CADPS2: variants seen among roughly 807,000 people sequenced by gnomAD.
CADPS2 encodes the protein calcium-dependent secretion activator 2.
Under a neutral mutation model 172.5 loss-of-function variants are expected in CADPS2, and 93 were observed. The observed-to-expected ratio is 0.54, with a 90% CI of 0.46 to 0.64. The LOEUF (loss-of-function observed/expected upper bound fraction) is 0.64. Among genes scored for constraint, CADPS2 ranks in the 30% least tolerant of loss-of-function variants. CADPS2 has a pLI of 0.00. For synonymous variants in CADPS2, 546 were observed against 555.2 expected (o/e 0.98, Z 0.23); for missense variants, 1,420 against 1,565.9 (o/e 0.91, Z 1.57).
At chr7:122,813,700 C>T (rs1205646621) in intron 1 of CADPS2, among the ~76,000 whole-genome samples, 1 of 152,022 alleles carries the variant, frequency 6.6e-6, no homozygotes, top group East Asian at 1.9e-4. Context: ...TAAGGAAAAG[C>T]CTTATCCCAA....
At chr7:122,643,754 G>A (rs1421891710) in intron 3 of CADPS2, among the ~76,000 whole-genome samples, 1 of 151,974 alleles carries the variant, frequency 6.6e-6, no homozygotes, top group African/African-American at 2.4e-5. Flanking sequence ...AAGGAGGGAA[G>A]GGGAGATGAA....
At chr7:122,405,577 C>T (rs926364488) in intron 20 of CADPS2, among the ~76,000 whole-genome samples, 7 of 152,046 alleles carry the variant, frequency 4.6e-5, no homozygotes, top group Non-Finnish European at 7.4e-5. Flanking sequence ...GCATGAGAAT[C>T]GCTTGAACTT....
chr7:122,527,580 AATAGAG>A (rs1430912322), intron 8 of CADPS2, among the ~76,000 whole-genome samples: 1 of 85,458 alleles, frequency 1.2e-5, no homozygotes, highest in African/African-American at 3.8e-5. Flanking sequence ...GATAATACTG[AATAGAG>A]AGAGAGAGAG....
chr7:122,733,773 G>C (rs972114706), intron 2 of CADPS2, among the ~76,000 whole-genome samples: 1 of 151,960 alleles, frequency 6.6e-6, no homozygotes, highest in Admixed American at 6.6e-5. Context: ...TGAGAGCTAA[G>C]CAAGTTTGAA....
chr7:122,436,760 A>G (rs1366299909), intron 17 of CADPS2, among the ~76,000 whole-genome samples: 1 of 152,076 alleles, frequency 6.6e-6, no homozygotes, highest in Admixed American at 6.6e-5. Context: ...TCCATTGGGT[A>G]CTACCATAGG....
intron 27 of CADPS2, chr7:122,357,536 A>G (rs2039565459): frequency 1.3e-5 from 2 of 152,122 alleles, no homozygotes; most frequent in Non-Finnish European, 2.9e-5. Context: ...TTTTTGCTAT[A>G]AAGTTTGGTT....
intron 25 of CADPS2, among the ~76,000 whole-genome samples, chr7:122,376,027 C>T (rs1009412684): frequency 2.6e-5 from 4 of 152,218 alleles, no homozygotes; most frequent in Middle Eastern, 3.4e-3. Context: ...ATCAAAATCA[C>T]AGTGAGATAT....
At chr7:122,715,710 GAAAA>G (rs71161330) in intron 2 of CADPS2, among the ~76,000 whole-genome samples, 1 of 140,940 alleles carries the variant, frequency 7.1e-6, no homozygotes, top group Non-Finnish European at 1.6e-5. Flanking sequence ...GCATTGCAAA[GAAAA>G]AAAAAAAGCC....
intron 1 of CADPS2, among the ~76,000 whole-genome samples, chr7:122,838,619 T>G (rs1339855658): frequency 6.6e-6 from 1 of 152,092 alleles, no homozygotes; most frequent in Non-Finnish European, 1.5e-5. Context: ...TCACAAGCAT[T>G]CTTATAAACC....
intron 1 of CADPS2, among the ~76,000 whole-genome samples, chr7:122,792,443 G>C: frequency 6.6e-6 from 1 of 152,104 alleles, no homozygotes; most frequent in East Asian, 1.9e-4. Flanking sequence ...ACGGCCTCAC[G>C]AGAGGTGAAA....
At chr7:122,758,500 T>A (rs1340589547) in intron 1 of CADPS2, among the ~76,000 whole-genome samples, 2 of 152,198 alleles carry the variant, frequency 1.3e-5, no homozygotes, top group Non-Finnish European at 2.9e-5. Flanking sequence ...GCACCATGAT[T>A]ATGTGAAATA....
intron 12 of CADPS2, among the ~76,000 whole-genome samples, chr7:122,477,510 C>T (rs945279746): frequency 2.0e-5 from 3 of 149,802 alleles, no homozygotes; most frequent in African/African-American, 7.4e-5. Context: ...AGTGAGACTC[C>T]ATTCCCATCC....
intron 8 of CADPS2, among the ~76,000 whole-genome samples, chr7:122,531,673 A>G (rs1182729913): frequency 6.6e-6 from 1 of 152,166 alleles, no homozygotes; most frequent in African/African-American, 2.4e-5. Flanking sequence ...CCAGAGGATC[A>G]AATGACCCAA....
chr7:122,637,252 G>T (rs2077176301), intron 3 of CADPS2, among the ~76,000 whole-genome samples: 1 of 123,396 alleles, frequency 8.1e-6, no homozygotes, highest in African/African-American at 3.1e-5. Flanking sequence ...AGAGAGCAGT[G>T]GCATGATCAC....
intron 16 of CADPS2, chr7:122,440,449 T>C (rs2051200679): frequency 6.6e-6 from 1 of 152,190 alleles, no homozygotes; most frequent in Non-Finnish European, 1.5e-5. Flanking sequence ...TTCAGTATTA[T>C]AAAAATTCTA....
At chr7:122,560,927 G>T (rs1050165905) in intron 7 of CADPS2, among the ~76,000 whole-genome samples, 1 of 151,900 alleles carries the variant, frequency 6.6e-6, no homozygotes, top group African/African-American at 2.4e-5. Flanking sequence ...ATTAATATTT[G>T]CCCCAATATC....
chr7:122,653,005 T>C lies in CADPS2; in HGVS notation c.786+10232A>G, dbSNP rs545701233. 2.6e-5 allele frequency among the ~76,000 whole-genome samples: 4 copies of C among 152,264 alleles called. No homozygotes were observed. In the South Asian group the frequency reaches 8.3e-4, roughly 32 times the overall value. ...GCCTTTTTCAGAAGAGAGTTTCCTG[T>C]TTTTCCACTCCTGATGCTAATCCTG... is the stretch of plus-strand genomic sequence containing the variant. On this transcript the variant is annotated intron_variant, in intron 3 of 29. Transcript: ENST00000449022.
chr7:122,849,990 C>T (rs1219644535), intron 1 of CADPS2: 1 of 728,538 alleles, frequency 1.4e-6, no homozygotes, highest in Non-Finnish European at 2.1e-6. Context: ...CCACCTGCCC[C>T]CAAGCCTGCC....
intron 2 of CADPS2, among the ~76,000 whole-genome samples, chr7:122,706,941 G>A (rs1402569955): frequency 6.6e-6 from 1 of 151,214 alleles, no homozygotes; most frequent in Non-Finnish European, 1.5e-5. Flanking sequence ...GGAAACCGGA[G>A]TGGAATCATC....
Sources: gnomAD v4.1 joint callset for allele counts (sites outside exome capture counted in the v4.1 genomes callset) on GRCh38, gnomAD v4.1.1 for gene constraint, MANE v1.5 for transcripts, NCBI Gene and HGNC (gene_info 2026-07-23, HGNC 2026-07-21) for gene names.